The following MAP3K19 variants were observed in gnomAD, a reference collection of about 807,000 sequenced individuals.
MAP3K19 encodes mitogen-activated protein kinase kinase kinase 19.
Under a neutral mutation model 114.4 loss-of-function variants are expected in MAP3K19, and 91 were observed. That is an observed-to-expected ratio of 0.80 (90% CI 0.67 to 0.95). The LOEUF is 0.95. MAP3K19 is among the 40% of genes least tolerant of loss of function. The pLI, the probability that MAP3K19 is intolerant of heterozygous loss-of-function variation, is 0.00. For missense variants in MAP3K19, 1,471 were observed against 1,573.2 expected, an observed-to-expected ratio of 0.94 and a Z score of 1.10; for synonymous variants, 518 against 530.5, an observed-to-expected ratio of 0.98 and a Z score of 0.32.
chr2:135,012,447 T>C (rs903764342), intron 5 of MAP3K19, among the ~76,000 whole-genome samples: 7 of 152,178 alleles, frequency 4.6e-5, no homozygotes, highest in Non-Finnish European at 1.0e-4. Flanking sequence ...AATATTCAAA[T>C]AGGATTTAAA....
chr2:135,038,677 C>T (rs749090643), intron 2 of MAP3K19, among the ~76,000 whole-genome samples: 10 of 151,406 alleles, frequency 6.6e-5, no homozygotes, highest in African/African-American at 1.2e-4. Flanking sequence ...GGCAACATGG[C>T]GAAACCCCAT....
At position 134,967,317 on chromosome 2, in the gene MAP3K19, T is replaced by C. The variant is rs141840577; in HGVS notation, c.3921-2401A>G. ...GTGGCCTCATGGGATGAGAAAGACCTGAGCGTCCCCGAGCCCGACACCAGT... is the reference window on the plus strand; with the variant it reads ...GTGGCCTCATGGGATGAGAAAGACCCGAGCGTCCCCGAGCCCGACACCAGT... On this transcript the variant is annotated intron_variant, in intron 12 of 12. Coordinates refer to ENST00000392915, the MANE Select transcript of MAP3K19 (RefSeq NM_025052.5). 1.5e-3 allele frequency among the ~76,000 whole-genome samples: 225 copies of C among 152,230 alleles called. 2 individuals carry two copies. The highest frequency in any genetic ancestry group is 5.0e-3 in the African/African-American group (206 of 41,534).
intron 1 of MAP3K19, among the ~76,000 whole-genome samples, chr2:135,041,054 T>C (rs1688636206): frequency 6.6e-6 from 1 of 152,164 alleles, no homozygotes; most frequent in South Asian, 2.1e-4. Context: ...GTTGGTTTTT[T>C]TTTTTAGCTT....
intron 8 of MAP3K19, 108 bp downstream of exon 8, chr2:134,998,630 T>A (rs1686201353): frequency 1.4e-5 from 17 of 1,194,240 alleles, no homozygotes; most frequent in Non-Finnish European, 1.7e-5. Flanking sequence ...GGGGTTATTT[T>A]CTGGTATGTT....
At chr2:135,042,175 T>C (rs1428498293) in intron 1 of MAP3K19, among the ~76,000 whole-genome samples, 1 of 152,062 alleles carries the variant, frequency 6.6e-6, no homozygotes, top group Non-Finnish European at 1.5e-5. Context: ...GTCAGAGAAA[T>C]GGGCTGGCCA....
intron 12 of MAP3K19, among the ~76,000 whole-genome samples, chr2:134,966,035 T>A (rs1391584117): frequency 6.6e-6 from 1 of 152,208 alleles, no homozygotes; most frequent in Non-Finnish European, 1.5e-5. Flanking sequence ...TCCAGATCCA[T>A]CTCTGTTGCT....
Position 134,986,800 on chromosome 2 carries a change from G to A in MAP3K19, c.2072C>T (p.Ala691Val), listed in dbSNP as rs747825599. ...ATTGGTGATACGTCTGCCTGATGGA[G>A]CCGAACATATCTCACGGTAATACGT... is the stretch of plus-strand genomic sequence containing the variant. ...ENTYYREICS[A>V]PSGRRITNKC... is the part of the protein sequence containing the mutation. The change falls in exon 10 of 13, where the codon GCT becomes GTT. Residue 691 changes from alanine to valine, a missense_variant. By Grantham distance (64) the Ala-to-Val change is moderately conservative. Coordinates refer to ENST00000392915, the MANE Select transcript of MAP3K19 (RefSeq NM_025052.5). The A allele has an allele frequency of 2.5e-6, 4 of 1,614,192 alleles. No individual in the cohort carries two copies. The highest frequency in any genetic ancestry group is 1.6e-4 in the Middle Eastern group (1 of 6,062).
At chr2:135,038,150 A>G (rs1227820229) in intron 2 of MAP3K19, among the ~76,000 whole-genome samples, 1 of 152,116 alleles carries the variant, frequency 6.6e-6, no homozygotes, top group Non-Finnish European at 1.5e-5. Context: ...GCATTTTTAA[A>G]TGCTGATGGA....
intron 5 of MAP3K19, among the ~76,000 whole-genome samples, chr2:135,020,137 C>T (rs1471827740): frequency 5.9e-5 from 9 of 152,140 alleles, no homozygotes; most frequent in African/African-American, 1.9e-4. Context: ...CCTGCCTCAG[C>T]CTCCTGAGTA....
intron 2 of MAP3K19, among the ~76,000 whole-genome samples, chr2:135,032,115 T>C (rs970998707): frequency 1.3e-5 from 2 of 152,050 alleles, no homozygotes; most frequent in African/African-American, 4.8e-5. Flanking sequence ...ACAGTCTAGT[T>C]TGGGAGGCCA....
intron 12 of MAP3K19, among the ~76,000 whole-genome samples, chr2:134,973,811 A>G (rs1684037035): frequency 6.6e-6 from 1 of 152,134 alleles, no homozygotes; most frequent in African/African-American, 2.4e-5. Flanking sequence ...ATGATGATAG[A>G]TATGACCTTT....
At chr2:135,013,866 CT>C (rs1687404546) in intron 5 of MAP3K19, among the ~76,000 whole-genome samples, 1 of 152,156 alleles carries the variant, frequency 6.6e-6, no homozygotes, top group South Asian at 2.1e-4. Flanking sequence ...TCCCTCCTCT[CT>C]CTTGATCCTC....
chr2:135,020,510 G>A (rs1427568607), intron 5 of MAP3K19, among the ~76,000 whole-genome samples: 5 of 152,112 alleles, frequency 3.3e-5, no homozygotes, highest in Non-Finnish European at 7.4e-5. Flanking sequence ...TAGTAGAGAT[G>A]AGGTCTCTTT....
chr2:134,986,897 C>A lies in MAP3K19; in HGVS notation c.1975G>T (p.Gly659Ter), dbSNP rs1685170348. The A allele has an allele frequency of 6.2e-7, 1 of 1,614,156 alleles. No individual in the cohort carries two copies. Among genetic ancestry groups the A allele is most frequent in the Non-Finnish European group, 8.5e-7 (1 of 1,180,028 alleles). ...MFKEINSTANGPGIYEMFGTP... is the reference protein window; with the variant it reads ...MFKEINSTAN ...CCAAACATTTCATAGATTCCAGGTC[C>A]ATTAGCAGTTGAATTGATTTCTTTG... The change falls in exon 10 of 13, where the codon GGA becomes TGA. Residue 659 changes from glycine to a stop codon, truncating the protein, a stop_gained. Coordinates refer to ENST00000392915, the MANE Select transcript of MAP3K19 (RefSeq NM_025052.5). LOFTEE classifies it high-confidence loss of function.
intron 12 of MAP3K19, among the ~76,000 whole-genome samples, chr2:134,968,924 C>G (rs573581600): frequency 1.3e-5 from 2 of 151,330 alleles, no homozygotes; most frequent in African/African-American, 4.9e-5. Flanking sequence ...CAGGCAGAGA[C>G]GCTCCTCACT....
At chr2:134,966,608 G>C (rs1288174746) in intron 12 of MAP3K19, among the ~76,000 whole-genome samples, 1 of 152,184 alleles carries the variant, frequency 6.6e-6, no homozygotes, top group Admixed American at 6.5e-5. Context: ...GAAATCCTTA[G>C]AGGTTGGGAA....
rs780890801 is a variant in MAP3K19 at position 134,980,906 on chromosome 2, T to G, written c.3835A>C (p.Ile1279Leu). 11 of 1,614,110 alleles carry G rather than the reference T, an allele frequency of 6.8e-6. No homozygotes were observed. In the Admixed American group the frequency reaches 1.5e-4, roughly 22 times the overall value. Residue 1279 changes from isoleucine (I) to leucine (L), a missense_variant, in exon 12 of 13, where the codon ATC becomes CTC. Ile to Leu is a conservative substitution (Grantham distance 5). Transcript: ENST00000392915. Reference sequence around the variant, plus strand: ...GGCATCAGCCCTCGGTGTGCTCCGATGTAAAACATGGCGGCCATCCTGTCC... The same window carrying G: ...GGCATCAGCCCTCGGTGTGCTCCGAGGTAAAACATGGCGGCCATCCTGTCC... ...SMDRMAAMFY[I>L]GAHRGLMPPL...
At chr2:134,976,533 T>C (rs1369853942) in intron 12 of MAP3K19, among the ~76,000 whole-genome samples, 4 of 152,180 alleles carry the variant, frequency 2.6e-5, no homozygotes, top group Admixed American at 2.6e-4. Context: ...CTCTCTCAGA[T>C]GCTATATTTG....
chr2:135,030,134 T>A (rs1385673481), intron 3 of MAP3K19, among the ~76,000 whole-genome samples, 178 bp downstream of exon 3: 1 of 152,216 alleles, frequency 6.6e-6, no homozygotes, highest in African/African-American at 2.4e-5. Context: ...TCTTTTATTA[T>A]CTTGTTTTCC....
Sources: allele counts gnomAD v4.1 joint callset (sites outside exome capture counted in the v4.1 genomes callset), GRCh38; gene constraint gnomAD v4.1.1; transcripts MANE v1.5; gene names NCBI Gene and HGNC (gene_info 2026-07-23, HGNC 2026-07-21).